CCDC148: variants seen among roughly 807,000 people sequenced by gnomAD.
CCDC148 encodes the protein coiled-coil domain containing 148.
In CCDC148, 89 loss-of-function variants were observed where a neutral mutation model predicts 85.7. The ratio of observed to expected loss-of-function variants is 1.04; its 90% CI spans 0.87 to 1.24. The LOEUF (loss-of-function observed/expected upper bound fraction) is 1.24. CCDC148 is among the 50% of genes most tolerant of loss of function. The probability of loss-of-function intolerance (pLI) is 0.00; values close to 1 mark genes in which losing one functional copy is unlikely to be tolerated. For missense variants in CCDC148, 692 were observed against 671.7 expected (o/e 1.03, Z -0.33); for synonymous variants, 230 against 213.9 (o/e 1.08, Z -0.66).
chr2:158,242,460 G>A (rs528126287), intron 10 of CCDC148, among the ~76,000 whole-genome samples: 2 of 152,154 alleles, frequency 1.3e-5, no homozygotes, highest in Non-Finnish European at 2.9e-5. Flanking sequence ...CACTGAAATG[G>A]AGAAAAAGTA....
intron 9 of CCDC148, among the ~76,000 whole-genome samples, chr2:158,292,734 T>C (rs1032974221): frequency 6.6e-6 from 1 of 152,248 alleles, no homozygotes; most frequent in African/African-American, 2.4e-5. Context: ...TCTGGTGTTA[T>C]GCAATCTATA....
At chr2:158,357,068 C>T (rs1157091477) in intron 2 of CCDC148, among the ~76,000 whole-genome samples, 6 of 127,028 alleles carry the variant, frequency 4.7e-5, no homozygotes, top group South Asian at 5.2e-4. Context: ...ATATCACACT[C>T]GGGACTGTTA....
chr2:158,365,952 T>C, intron 1 of CCDC148: 1 of 1,162,732 alleles, frequency 8.6e-7, no homozygotes. Flanking sequence ...CAATTGTGTA[T>C]CATTTCAAAA....
chr2:158,372,444 C>T (rs1684481828), intron 1 of CCDC148, among the ~76,000 whole-genome samples: 2 of 151,908 alleles, frequency 1.3e-5, no homozygotes, highest in South Asian at 4.1e-4. Flanking sequence ...GAAAGTAATC[C>T]TCTGCTTTGG....
chr2:158,305,719 A>C (rs1345750339), intron 9 of CCDC148, among the ~76,000 whole-genome samples: 1 of 148,506 alleles, frequency 6.7e-6, no homozygotes, highest in Non-Finnish European at 1.5e-5. Flanking sequence ...GCATCACCAC[A>C]TTCCAGCCTG....
rs558749864 is a variant in CCDC148 at position 158,394,083 on chromosome 2, C to G, written c.26-35513G>C. ...TGACCAAAGAGGTATGTTTAAGGTT[C>G]AAATGGATAAGTCATTATCACCTGA... On this transcript the variant is annotated intron_variant, in intron 1 of 13. Transcript: ENST00000283233. Among the ~76,000 whole-genome samples the G allele has an allele frequency of 3.2e-3, 482 of 152,204 alleles. 2 individuals are homozygous for G. Among genetic ancestry groups the G allele is most frequent in the Non-Finnish European group, 5.8e-3 (393 of 68,002 alleles).
chr2:158,209,812 A>C (rs1162155380), intron 11 of CCDC148, among the ~76,000 whole-genome samples: 1 of 152,216 alleles, frequency 6.6e-6, no homozygotes, highest in Non-Finnish European at 1.5e-5. Flanking sequence ...TCCTGAAGGA[A>C]GTACTAAATA....
At chr2:158,278,226 C>T (rs1458263543) in intron 9 of CCDC148, among the ~76,000 whole-genome samples, 2 of 152,142 alleles carry the variant, frequency 1.3e-5, no homozygotes, top group Non-Finnish European at 1.5e-5. Flanking sequence ...TCTGCATTTC[C>T]ATCTGAGGTA....
At chr2:158,401,668 G>A (rs975202773) in intron 1 of CCDC148, among the ~76,000 whole-genome samples, 6 of 151,852 alleles carry the variant, frequency 4.0e-5, no homozygotes, top group South Asian at 2.1e-4. Context: ...TTGTGCTCAC[G>A]TACCCTAGAA....
chr2:158,284,226 G>A (rs1009743826), intron 9 of CCDC148, among the ~76,000 whole-genome samples: 7 of 151,854 alleles, frequency 4.6e-5, no homozygotes, highest in Middle Eastern at 6.8e-3. Context: ...GTATACATAC[G>A]TAACTAACCT....
At chr2:158,225,539 G>T (rs1442038736) in intron 10 of CCDC148, among the ~76,000 whole-genome samples, 1 of 152,126 alleles carries the variant, frequency 6.6e-6, no homozygotes, top group Non-Finnish European at 1.5e-5. Flanking sequence ...TTTCAAAATT[G>T]ACCACATAGT....
chr2:158,345,821 C>T (rs1682968295), intron 2 of CCDC148, among the ~76,000 whole-genome samples: 1 of 152,124 alleles, frequency 6.6e-6, no homozygotes, highest in South Asian at 2.1e-4. Context: ...TCTATCTGAT[C>T]CCTCAGCATA....
At chr2:158,308,056 C>G (rs769793455) in intron 9 of CCDC148, among the ~76,000 whole-genome samples, 2 of 152,160 alleles carry the variant, frequency 1.3e-5, no homozygotes, top group Admixed American at 1.3e-4. Context: ...GCACCTCAGT[C>G]TGATGTGCAT....
intron 1 of CCDC148, among the ~76,000 whole-genome samples, chr2:158,445,083 G>A (rs1002945652): frequency 5.3e-5 from 8 of 151,886 alleles, no homozygotes; most frequent in African/African-American, 1.9e-4. Context: ...TAAGTTTAAA[G>A]GTTAATAATG....
intron 9 of CCDC148, among the ~76,000 whole-genome samples, chr2:158,274,461 T>C (rs1689835612): frequency 1.3e-5 from 2 of 152,202 alleles, no homozygotes; most frequent in East Asian, 3.8e-4. Context: ...AACTGGCCAA[T>C]GTGTCTCCTG....
chr2:158,345,148 C>T (rs549358350), intron 3 of CCDC148, 67 bp downstream of exon 3: 2 of 1,086,544 alleles, frequency 1.8e-6, no homozygotes, highest in Admixed American at 2.2e-5. Flanking sequence ...CATTATAGAA[C>T]ATCTGACAAG....
chr2:158,406,622 T>TCTG (rs1553518860), intron 1 of CCDC148, among the ~76,000 whole-genome samples: 1,055 of 84,072 alleles, frequency 0.013, 20 homozygotes, highest in Non-Finnish European at 0.017. Context: ...TCTTTTTTTT[T>TCTG]TTTTTTTTTT....
At chr2:158,331,380 TATA>T (rs1256637339) in intron 7 of CCDC148, among the ~76,000 whole-genome samples, 2 of 152,206 alleles carry the variant, frequency 1.3e-5, no homozygotes, top group African/African-American at 4.8e-5. Flanking sequence ...GATAGTTTGT[TATA>T]ATTTCTGTTC....
chr2:158,309,061 A>G (rs1174429285), intron 9 of CCDC148, among the ~76,000 whole-genome samples: 1 of 152,180 alleles, frequency 6.6e-6, no homozygotes, highest in Non-Finnish European at 1.5e-5. Context: ...ACTTTTTGCT[A>G]TCTTTGATGT....
Sources: gnomAD v4.1 joint callset for allele counts (sites outside exome capture counted in the v4.1 genomes callset) on GRCh38, gnomAD v4.1.1 for gene constraint, MANE v1.5 for transcripts, NCBI Gene and HGNC (gene_info 2026-07-23, HGNC 2026-07-21) for gene names.